Variants in DTX1 observed in about 807,000 individuals in gnomAD.
DTX1 encodes the protein deltex E3 ubiquitin ligase 1.
DTX1 carries 26 observed loss-of-function variants against 57.8 expected under a neutral mutation model. The ratio of observed to expected loss-of-function variants is 0.45; its 90% CI spans 0.33 to 0.62. The LOEUF is 0.62. Among genes scored for constraint, DTX1 ranks in the 20% least tolerant of loss-of-function variants. DTX1 has a pLI of 0.02. For missense variants in DTX1, 704 were observed against 895.3 expected (o/e 0.79, Z 2.73); for synonymous variants, 398 against 394.1 (o/e 1.01, Z -0.12).
intron 2 of DTX1, among the ~76,000 whole-genome samples, chr12:113,071,748 A>G (rs1422470363): frequency 6.6e-6 from 1 of 152,248 alleles, no homozygotes; most frequent in Non-Finnish European, 1.5e-5. Context: ...GGCCTGGTCC[A>G]TGGCCAGCCT....
chr12:113,093,372 C>A lies in DTX1; in HGVS notation c.1003+149C>A. On this transcript the variant is annotated intron_variant, in intron 4 of 9. Coordinates refer to ENST00000548759, the MANE Select transcript of DTX1 (RefSeq NM_004416.3). The surrounding 1 kb of genome is among the most constrained non-coding windows in gnomAD (Gnocchi z 4.2). The stretch of plus-strand genomic sequence containing the variant: ...CACTGGGCCCAGGACACAGGGCGGG[C>A]GTGGCCCGCAGAAAGGCCCTTCAGG... 1.5e-6 allele frequency: 2 copies of A among 1,327,504 alleles called. No homozygotes were observed. Among genetic ancestry groups the A allele is most frequent in the African/African-American group, 1.5e-5 (1 of 67,176 alleles). 82.2% of individuals were successfully genotyped at this position (1,327,504 alleles called of 1,614,324 possible). A position where few individuals can be genotyped will look rare whatever the true frequency, so the allele number is the denominator to read the frequency against.
chr12:113,075,773 A>G (rs1289804116), intron 2 of DTX1, among the ~76,000 whole-genome samples: 3 of 152,214 alleles, frequency 2.0e-5, no homozygotes, highest in Admixed American at 2.0e-4. Context: ...TAAGCAAATG[A>G]AGGAATGGAC....
Position 113,094,112 on chromosome 12 carries a change from T to TTTGGG in DTX1, c.1227+13_1227+14insTTGGG. On this transcript the variant is annotated intron_variant, in intron 6 of 9. Coordinates refer to ENST00000548759, the MANE Select transcript of DTX1 (RefSeq NM_004416.3). Reference sequence around the variant, plus strand: ...CCCACCTGATGAGGTGAGGAGGGGATGGGGGGGCTGGGGGAGGGCCCTGGC... The same window carrying TTTGGG: ...CCCACCTGATGAGGTGAGGAGGGGATTTGGGGGGGGGGCTGGGGGAGGGCCCTGGC... 2.2e-6 allele frequency: 1 copy of TTTGGG among 454,712 alleles called. No individual in the cohort carries two copies. Among genetic ancestry groups the TTTGGG allele is most frequent in the African/African-American group, 2.2e-5 (1 of 44,518 alleles). 28.2% of individuals were successfully genotyped at this position (454,712 alleles called of 1,614,324 possible).
intron 2 of DTX1, among the ~76,000 whole-genome samples, chr12:113,067,471 T>C (rs2044711569): frequency 6.6e-6 from 1 of 152,222 alleles, no homozygotes; most frequent in African/African-American, 2.4e-5. Flanking sequence ...AGCTTACCCA[T>C]CTACACAAAG....
intron 2 of DTX1, among the ~76,000 whole-genome samples, chr12:113,069,761 T>G (rs974754827): frequency 3.3e-5 from 5 of 152,128 alleles, no homozygotes; most frequent in Admixed American, 3.3e-4. Flanking sequence ...CTGGGGCTGC[T>G]GTGAGGACTG....
intron 2 of DTX1, among the ~76,000 whole-genome samples, chr12:113,075,104 G>A (rs1003771865): frequency 6.6e-6 from 1 of 152,176 alleles, no homozygotes; most frequent in African/African-American, 2.4e-5. Context: ...GATCCTCTCA[G>A]CAACCCCACA....
intron 3 of DTX1, among the ~76,000 whole-genome samples, chr12:113,080,921 C>T (rs2044811643): frequency 4.0e-5 from 6 of 151,496 alleles, no homozygotes. Flanking sequence ...GCTGCAGTGA[C>T]CTGTGATCAC....
intron 3 of DTX1, among the ~76,000 whole-genome samples, chr12:113,088,118 T>C (rs556523306): frequency 6.6e-6 from 1 of 152,270 alleles, no homozygotes; most frequent in African/African-American, 2.4e-5. Flanking sequence ...GGCCCCTGAC[T>C]CGGAAACTCC....
At chr12:113,084,911 G>A (rs997936355) in intron 3 of DTX1, among the ~76,000 whole-genome samples, 3 of 152,168 alleles carry the variant, frequency 2.0e-5, no homozygotes, top group African/African-American at 7.2e-5. Context: ...GCCCCACCCT[G>A]ATTCCTGTGT....
intron 3 of DTX1, among the ~76,000 whole-genome samples, chr12:113,083,746 CTT>C (rs1432052933): frequency 2.6e-5 from 4 of 152,212 alleles, no homozygotes; most frequent in Non-Finnish European, 1.5e-5. Flanking sequence ...CTCTCTCTCT[CTT>C]TCTCTGTCTT....
At chr12:113,064,762 A>G (rs1187562654) in intron 2 of DTX1, among the ~76,000 whole-genome samples, 2 of 152,258 alleles carry the variant, frequency 1.3e-5, no homozygotes, top group Admixed American at 1.3e-4. Context: ...AGCTTGGAGG[A>G]TACTACTTTG....
chr12:113,066,365 C>G (rs1358860052), intron 2 of DTX1, among the ~76,000 whole-genome samples: 2 of 152,028 alleles, frequency 1.3e-5, no homozygotes, highest in Non-Finnish European at 2.9e-5. Context: ...CCCCTCTCTA[C>G]TAAAAATACA....
At chr12:113,079,598 A>C (rs2044801114) in intron 3 of DTX1, among the ~76,000 whole-genome samples, 1 of 132,048 alleles carries the variant, frequency 7.6e-6, no homozygotes, top group Non-Finnish European at 1.5e-5. Flanking sequence ...CACAATCTCC[A>C]CTGACTGCAA....
chr12:113,079,261 G>C (rs909487635), intron 3 of DTX1, among the ~76,000 whole-genome samples: 1 of 152,182 alleles, frequency 6.6e-6, no homozygotes, highest in East Asian at 1.9e-4. Flanking sequence ...AAGAGGAAGA[G>C]AGGGCACCCA....
intron 2 of DTX1, among the ~76,000 whole-genome samples, chr12:113,060,745 G>T (rs1255093734): frequency 4.6e-5 from 7 of 152,206 alleles, no homozygotes; most frequent in Admixed American, 4.6e-4. Flanking sequence ...TGGAAGAAGG[G>T]GAAGTGTTGC....
At position 113,093,436 on chromosome 12, in the gene DTX1, A is replaced by ACCCC; in HGVS notation, c.1004-103_1004-102insCCCC. 1 of 876,280 alleles carries ACCCC rather than the reference A, an allele frequency of 1.1e-6. No individual in the cohort carries two copies. The highest frequency in any genetic ancestry group is 1.7e-6 in the Non-Finnish European group (1 of 586,222). The allele number at this position is 876,280 out of a possible 1,614,324, so 54.3% of individuals were successfully genotyped here. ...CTGAGTGGGTGGGGCCCAAGAGCGC[A>ACCCC]ACCCTCCCACCCACCCGAGGGCCCC... On this transcript the variant is annotated intron_variant, in intron 4 of 9. Coordinates refer to ENST00000548759, the MANE Select transcript of DTX1 (RefSeq NM_004416.3). This position sits in a 1 kb window ranked among gnomAD's most constrained non-coding sequence, Gnocchi z 4.2.
At chr12:113,075,088 T>A (rs1010900796) in intron 2 of DTX1, among the ~76,000 whole-genome samples, 1 of 152,212 alleles carries the variant, frequency 6.6e-6, no homozygotes, top group Non-Finnish European at 1.5e-5. Context: ...GGTATTTATC[T>A]CAATTGATCC....
chr12:113,077,588 C>G lies in DTX1; in HGVS notation c.424C>G (p.Leu142Val). ...CGAGAAGCAGCACCCGTGGCTCGAC[C>G]TCTCATCGCTAGGCTTCTGCTACCT... is the stretch of plus-strand genomic sequence containing the variant. ...AYEKQHPWLD[L>V]SSLGFCYLIY... The change falls in exon 3 of 10, where the codon CTC becomes GTC. Residue 142 changes from leucine to valine, a missense_variant. Coordinates refer to ENST00000548759, the MANE Select transcript of DTX1 (RefSeq NM_004416.3). The surrounding 1 kb of genome is among the most constrained non-coding windows in gnomAD (Gnocchi z 7.8). 1.2e-6 allele frequency: 2 copies of G among 1,613,682 alleles called. No homozygotes were observed. Among genetic ancestry groups the G allele is most frequent in the Non-Finnish European group, 1.7e-6 (2 of 1,179,918 alleles).
At chr12:113,076,124 T>A (rs1221402664) in intron 2 of DTX1, among the ~76,000 whole-genome samples, 1 of 151,368 alleles carries the variant, frequency 6.6e-6, no homozygotes, top group Non-Finnish European at 1.5e-5. Flanking sequence ...AATACGGGAG[T>A]GGGCTGAAGA....
Sources: allele counts gnomAD v4.1 joint callset (sites outside exome capture counted in the v4.1 genomes callset), GRCh38; gene constraint gnomAD v4.1.1; non-coding constraint Gnocchi (gnomAD v3.1); transcripts MANE v1.5; gene names NCBI Gene and HGNC (gene_info 2026-07-23, HGNC 2026-07-21).